Variants in SGCZ observed in about 807,000 individuals in gnomAD.
SGCZ encodes sarcoglycan zeta, also known as zeta-sarcoglycan.
Under a neutral mutation model 41.3 loss-of-function variants are expected in SGCZ, and 40 were observed. The observed-to-expected ratio is 0.97, with a 90% CI of 0.75 to 1.26. The LOEUF is 1.26. Among genes scored for constraint, SGCZ ranks in the 50% most tolerant of loss-of-function variants. SGCZ has a pLI of 0.00. For synonymous variants in SGCZ, 206 were observed against 137.5 expected, an observed-to-expected ratio of 1.50 and a Z score of -3.49; for missense variants, 552 against 369.8, an observed-to-expected ratio of 1.49 and a Z score of -4.04.
chr8:14,250,479 G>T (rs1799246794), intron 3 of SGCZ, among the ~76,000 whole-genome samples: 1 of 151,956 alleles, frequency 6.6e-6, no homozygotes, highest in African/African-American at 2.4e-5. Flanking sequence ...GCAGAATGTG[G>T]GCAGAAGTGA....
intron 3 of SGCZ, among the ~76,000 whole-genome samples, chr8:14,256,986 A>G (rs1379524436): frequency 1.3e-5 from 2 of 152,148 alleles, no homozygotes; most frequent in South Asian, 2.1e-4. Flanking sequence ...TTTAACCTCA[A>G]TTAAAAATAA....
In SGCZ at chr8:14,644,254, G is replaced by A. The variant is rs1297840463; in HGVS notation, c.40-89328C>T. On this transcript the variant is annotated intron_variant, in intron 1 of 7. Coordinates refer to ENST00000382080, the MANE Select transcript of SGCZ (RefSeq NM_139167.4). ...ATCTACACTTTGAGTAAAGTAGATTGCCCTCCATAAAGTGAGTAGAGCTTG... is the reference window on the plus strand; with the variant it reads ...ATCTACACTTTGAGTAAAGTAGATTACCCTCCATAAAGTGAGTAGAGCTTG... Among the ~76,000 whole-genome samples, 6 of 151,620 alleles carry A rather than the reference G, an allele frequency of 4.0e-5. No individual in the cohort carries two copies. The East Asian group carries it at 9.7e-4, about 25-fold the overall frequency.
At chr8:14,746,177 G>A (rs1243254896) in intron 1 of SGCZ, among the ~76,000 whole-genome samples, 1 of 151,816 alleles carries the variant, frequency 6.6e-6, no homozygotes, top group African/African-American at 2.4e-5. Flanking sequence ...ATATAACAAG[G>A]CATTCAAACG....
At chr8:14,817,604 C>T (rs919774101) in intron 1 of SGCZ, among the ~76,000 whole-genome samples, 2 of 152,188 alleles carry the variant, frequency 1.3e-5, no homozygotes, top group Admixed American at 6.5e-5. Context: ...GTGCCTACAG[C>T]ACTACAACTC....
At chr8:14,482,361 A>C (rs944460376) in intron 2 of SGCZ, among the ~76,000 whole-genome samples, 4 of 152,208 alleles carry the variant, frequency 2.6e-5, no homozygotes, top group African/African-American at 9.6e-5. Context: ...ATTTTGGAGA[A>C]TTCAGTCAAG....
intron 1 of SGCZ, among the ~76,000 whole-genome samples, chr8:14,929,868 T>G (rs1799876845): frequency 6.6e-6 from 1 of 152,012 alleles, no homozygotes; most frequent in African/African-American, 2.4e-5. Context: ...GAAATGTGAC[T>G]TACACTTGGT....
rs1465257697 is a variant in SGCZ, at chr8:14,591,853, T to C, written c.40-36927A>G. On this transcript the variant is annotated intron_variant, in intron 1 of 7. Coordinates refer to ENST00000382080, the MANE Select transcript of SGCZ (RefSeq NM_139167.4). ...ATAGTGCAATTTGCTTTCCTCTATATTGTCGATTATAATTCCACTTTCCTG... is the reference window on the plus strand; with the variant it reads ...ATAGTGCAATTTGCTTTCCTCTATACTGTCGATTATAATTCCACTTTCCTG... 3.3e-5 allele frequency among the ~76,000 whole-genome samples: 5 copies of C among 152,188 alleles called. No homozygotes were observed. The East Asian group carries it at 9.6e-4, about 29-fold the overall frequency.
At chr8:14,736,955 C>A (rs1416026492) in intron 1 of SGCZ, among the ~76,000 whole-genome samples, 1 of 151,408 alleles carries the variant, frequency 6.6e-6, no homozygotes, top group Non-Finnish European at 1.5e-5. Flanking sequence ...TTCACAATTG[C>A]AAAATTGTGG....
At chr8:15,071,185 T>C (rs1394074390) in intron 1 of SGCZ, among the ~76,000 whole-genome samples, 2 of 152,194 alleles carry the variant, frequency 1.3e-5, no homozygotes, top group East Asian at 3.8e-4. Flanking sequence ...TTTATAATGT[T>C]TAAGTAATTA....
rs184975452 is a variant in SGCZ, at chr8:14,665,105, G to T, written c.40-110179C>A. 5.4e-4 allele frequency among the ~76,000 whole-genome samples: 82 copies of T among 152,202 alleles called. 2 individuals are homozygous for T. In the South Asian group the frequency reaches 9.7e-3, roughly 18 times the overall value. On this transcript the variant is annotated intron_variant, in intron 1 of 7. Coordinates refer to ENST00000382080, the MANE Select transcript of SGCZ (RefSeq NM_139167.4). ...TGTATACATGCCATGTTGGTGTGCTGCACCCATTAACTCATCATTTAACAT... is the reference window on the plus strand; with the variant it reads ...TGTATACATGCCATGTTGGTGTGCTTCACCCATTAACTCATCATTTAACAT...
At chr8:15,060,004 C>G (rs892741677) in intron 1 of SGCZ, among the ~76,000 whole-genome samples, 1 of 152,178 alleles carries the variant, frequency 6.6e-6, no homozygotes, top group African/African-American at 2.4e-5. Flanking sequence ...GCCCTGACAT[C>G]TCTATACTAG....
intron 1 of SGCZ, among the ~76,000 whole-genome samples, chr8:15,050,050 T>G (rs543970562): frequency 6.6e-6 from 1 of 152,220 alleles, no homozygotes; most frequent in Admixed American, 6.5e-5. Context: ...AGTTGGGACT[T>G]TGGTGATGGC....
At chr8:14,984,532 C>G (rs940912775) in intron 1 of SGCZ, among the ~76,000 whole-genome samples, 1 of 151,004 alleles carries the variant, frequency 6.6e-6, no homozygotes, top group East Asian at 1.9e-4. Flanking sequence ...GGCTTTTTTC[C>G]TTCTATAAAG....
At chr8:14,669,022 T>G (rs898866703) in intron 1 of SGCZ, among the ~76,000 whole-genome samples, 1 of 151,582 alleles carries the variant, frequency 6.6e-6, no homozygotes, top group Admixed American at 6.6e-5. Context: ...TTAACTAGAG[T>G]TACAATATTG....
chr8:14,695,856 T>C (rs556229162), intron 1 of SGCZ, among the ~76,000 whole-genome samples: 1 of 152,126 alleles, frequency 6.6e-6, no homozygotes, highest in Non-Finnish European at 1.5e-5. Context: ...GACAAAGGCA[T>C]TGCTAGATCA....
chr8:14,996,263 G>C (rs1480407191), intron 1 of SGCZ, among the ~76,000 whole-genome samples: 1 of 152,142 alleles, frequency 6.6e-6, no homozygotes, highest in Non-Finnish European at 1.5e-5. Context: ...TAAAAATGCA[G>C]CATTCTGAAC....
At chr8:14,756,688 T>A (rs922239608) in intron 1 of SGCZ, among the ~76,000 whole-genome samples, 1 of 152,214 alleles carries the variant, frequency 6.6e-6, no homozygotes, top group Non-Finnish European at 1.5e-5. Flanking sequence ...CATATACTAG[T>A]TGATCAGTAA....
rs1175825989 is a variant in SGCZ, at chr8:14,788,538, A to T, written c.40-233612T>A. On this transcript the variant is annotated intron_variant, in intron 1 of 7. Coordinates refer to ENST00000382080, the MANE Select transcript of SGCZ (RefSeq NM_139167.4). ...CAGTAGCTTAACTTTTTAACTTCTA[A>T]GATTCTTCATTTAAATCATGGAACA... Among the ~76,000 whole-genome samples, 5 of 152,188 alleles carry T rather than the reference A, an allele frequency of 3.3e-5. No homozygotes were observed. The East Asian group carries it at 9.6e-4, about 29-fold the overall frequency.
intron 1 of SGCZ, among the ~76,000 whole-genome samples, chr8:14,592,648 T>A (rs1436126487): frequency 1.3e-5 from 2 of 152,046 alleles, no homozygotes; most frequent in Admixed American, 1.3e-4. Flanking sequence ...GCAAAACAAA[T>A]CAGATTAATA....
Sources: gnomAD v4.1 joint callset for allele counts (sites outside exome capture counted in the v4.1 genomes callset) on GRCh38, gnomAD v4.1.1 for gene constraint, MANE v1.5 for transcripts, NCBI Gene and HGNC (gene_info 2026-07-23, HGNC 2026-07-21) for gene names.